NCSTN: variants seen among roughly 807,000 people sequenced by gnomAD.
NCSTN encodes the protein nicastrin.
In NCSTN, 22 loss-of-function variants were observed where a neutral mutation model predicts 87.0. That is an observed-to-expected ratio of 0.25 (90% CI 0.18 to 0.36). The LOEUF (loss-of-function observed/expected upper bound fraction) is 0.36. Among genes scored for constraint, NCSTN ranks in the 10% least tolerant of loss-of-function variants. NCSTN has a pLI of 1.00. For missense variants in NCSTN, 693 were observed against 883.3 expected, an observed-to-expected ratio of 0.78 and a Z score of 2.73; for synonymous variants, 306 against 327.1, an observed-to-expected ratio of 0.94 and a Z score of 0.69.
In NCSTN at chr1:160,344,089, C is replaced by T. The variant is rs3753391; in HGVS notation, c.85+608C>T. The stretch of plus-strand genomic sequence containing the variant: ...TAATGTACTTAAGTGTTTGCTGATA[C>T]GCGTTCATTTACTGATACATGGCTT... On this transcript the variant is annotated intron_variant, in intron 1 of 16. Transcript: ENST00000294785. Among the ~76,000 whole-genome samples, 637 of 151,436 alleles carry T rather than the reference C, an allele frequency of 4.2e-3. 19 individuals are homozygous for T. In the East Asian group the frequency reaches 0.082, roughly 20 times the overall value.
At chr1:160,343,917 T>C (rs913612087) in intron 1 of NCSTN, 3 of 359,282 alleles carry the variant, frequency 8.3e-6, no homozygotes, top group Non-Finnish European at 1.7e-5. Flanking sequence ...CCTCTGTTGA[T>C]TACATCCTAA....
chr1:160,354,303 T>C lies in NCSTN; in HGVS notation c.1352+13T>C, dbSNP rs202067782. The C allele has an allele frequency of 6.2e-7, 1 of 1,613,756 alleles. No individual in the cohort carries two copies. Among genetic ancestry groups the C allele is most frequent in the African/African-American group, 1.3e-5 (1 of 75,018 alleles). On this transcript the variant is annotated intron_variant, in intron 11 of 16. Transcript: ENST00000294785. ...CCTTCCATAACAAGTAAGAATCACT[T>C]GGCCCTGCACCCTCTTCATTCTTGA... is the stretch of plus-strand genomic sequence containing the variant.
chr1:160,343,877 G>A (rs1253787262), intron 1 of NCSTN: 3 of 439,344 alleles, frequency 6.8e-6, no homozygotes, highest in African/African-American at 6.2e-5. Context: ...GGTGCTGTGC[G>A]GCGCTTAAAA....
At chr1:160,350,785 A>T (rs768058003) in intron 5 of NCSTN, among the ~76,000 whole-genome samples, 2 of 152,194 alleles carry the variant, frequency 1.3e-5, no homozygotes, top group African/African-American at 4.8e-5. Flanking sequence ...TAGCTCTAAT[A>T]TGCCTTAATT....
chr1:160,347,712 C>T (rs1234556367), intron 2 of NCSTN, among the ~76,000 whole-genome samples: 1 of 152,168 alleles, frequency 6.6e-6, no homozygotes, highest in African/African-American at 2.4e-5. Context: ...CAGGTTCAAG[C>T]AATTCTCCTG....
chr1:160,347,317 C>T (rs1648552813), intron 2 of NCSTN, among the ~76,000 whole-genome samples: 1 of 152,140 alleles, frequency 6.6e-6, no homozygotes, highest in Non-Finnish European at 1.5e-5. Context: ...AAGTGATACC[C>T]AGATTTGATT....
chr1:160,350,538 G>A (rs1008400877), intron 5 of NCSTN, among the ~76,000 whole-genome samples: 3 of 151,828 alleles, frequency 2.0e-5, no homozygotes, highest in South Asian at 2.1e-4. Flanking sequence ...GCTGAAAGAC[G>A]GTTGCTCCAA....
chr1:160,358,139 C>G lies in NCSTN; in HGVS notation c.2008-10C>G. The G allele has an allele frequency of 6.2e-7, 1 of 1,614,172 alleles. No individual in the cohort carries two copies. The highest frequency in any genetic ancestry group is 8.5e-7 in the Non-Finnish European group (1 of 1,180,030). ...GCCTTTGTCCTTTCCTGCCCTCCCT[C>G]CCCCTGCAGTTGATCACCCTGACAG... On this transcript the variant is annotated splice_polypyrimidine_tract_variant and intron_variant, in intron 16 of 16. Transcript: ENST00000294785.
intron 5 of NCSTN, among the ~76,000 whole-genome samples, chr1:160,350,842 G>C (rs1042566614): frequency 2.0e-5 from 3 of 152,066 alleles, no homozygotes; most frequent in Admixed American, 6.6e-5. Flanking sequence ...TAAGAGATTT[G>C]TCCAAAGTTG....
intron 2 of NCSTN, among the ~76,000 whole-genome samples, chr1:160,347,853 A>C (rs1571200569): frequency 6.6e-6 from 1 of 152,140 alleles, no homozygotes; most frequent in Non-Finnish European, 1.5e-5. Context: ...CAAGTGATCC[A>C]CCCACCCACT....
chr1:160,357,413 C>CT (rs3831925), intron 16 of NCSTN, among the ~76,000 whole-genome samples, 160 bp downstream of exon 16: 6 of 151,992 alleles, frequency 3.9e-5, no homozygotes, highest in South Asian at 2.1e-4. Flanking sequence ...CTTAGGAGGC[C>CT]TTTTTTTTGA....
At position 160,355,637 on chromosome 1, in the gene NCSTN, T is replaced by C. The variant is rs1014454771; in HGVS notation, c.1353-18T>C. Reference sequence around the variant, plus strand: ...CCTGGCTAAATGTAGCCAAGGCTCATGCCGGCTTTCCTGGCAGATATTACC... The same window carrying C: ...CCTGGCTAAATGTAGCCAAGGCTCACGCCGGCTTTCCTGGCAGATATTACC... On this transcript the variant is annotated intron_variant, in intron 11 of 16. Coordinates refer to ENST00000294785, the MANE Select transcript of NCSTN (RefSeq NM_015331.3). The C allele has an allele frequency of 1.9e-6, 3 of 1,593,732 alleles. No individual in the cohort carries two copies. The highest frequency in any genetic ancestry group is 3.3e-4 in the Middle Eastern group (2 of 6,006).
Position 160,354,278 on chromosome 1 carries a change from C to T in NCSTN, c.1340C>T (p.Ala447Val), listed in dbSNP as rs777093685. Reference sequence around the variant, plus strand: ...GTTGTTCTGGCTGACCACTCTGGTGCCTTCCATAACAAGTAAGAATCACTT... The same window carrying T: ...GTTGTTCTGGCTGACCACTCTGGTGTCTTCCATAACAAGTAAGAATCACTT... ...SGVVLADHSG[A>V]FHNKYYQSIY... Residue 447 changes from alanine to valine, a missense_variant, in exon 11 of 17, where the codon GCC becomes GTC. Coordinates refer to ENST00000294785, the MANE Select transcript of NCSTN (RefSeq NM_015331.3). 4 of 1,614,000 alleles carry T rather than the reference C, an allele frequency of 2.5e-6. No homozygotes were observed. In the Admixed American group the frequency reaches 5.0e-5, roughly 20 times the overall value.
In NCSTN at chr1:160,350,219, A is replaced by T. The variant is rs577260216; in HGVS notation, c.551A>T (p.Glu184Val). ...EDFSFPIFLLEDENETKVIKQ... is the reference protein window; with the variant it reads ...EDFSFPIFLLVDENETKVIKQ... ...TTTAGTTTCCCCATCTTTCTTCTTG[A>T]AGATGAAAATGAAACCAAAGTCATC... The change falls in exon 5 of 17, where the codon GAA becomes GTA. Residue 184 changes from glutamate (E) to valine (V), a missense_variant. Physicochemically the swap from Glu to Val is moderately radical, Grantham distance 121. This residue lies in a region of NCSTN where 235 missense variants were observed against 233.9 expected (regional missense o/e 1.00). Coordinates refer to ENST00000294785, the MANE Select transcript of NCSTN (RefSeq NM_015331.3). The T allele has an allele frequency of 6.2e-7, 1 of 1,614,190 alleles. No homozygotes were observed. Among genetic ancestry groups the T allele is most frequent in the South Asian group, 1.1e-5 (1 of 91,092 alleles).
At chr1:160,347,306 A>G (rs1648552408) in intron 2 of NCSTN, among the ~76,000 whole-genome samples, 1 of 152,188 alleles carries the variant, frequency 6.6e-6, no homozygotes, top group African/African-American at 2.4e-5. Context: ...TAAGGAGAAA[A>G]AAGTGATACC....
In NCSTN at chr1:160,354,118, G is replaced by A. The variant is rs201133439; in HGVS notation, c.1180G>A (p.Val394Met). The A allele has an allele frequency of 3.7e-6, 6 of 1,614,012 alleles. No homozygotes were observed. The African/African-American group carries it at 5.3e-5, about 14-fold the overall frequency. ...AGTTAATCTCCCTCGTACCCCCCAG[G>A]TGGAGGATCTCCTGGCCACATTGGA... ...SQKNESVRNQ[V>M]EDLLATLEKS... Residue 394 changes from valine to methionine, a missense_variant and splice_region_variant, in exon 11 of 17, where the codon GTG becomes ATG. By Grantham distance (21) the Val-to-Met change is conservative (BLOSUM62 1). This residue lies in a region of NCSTN where 108 missense variants were observed against 111.6 expected (regional missense o/e 0.97). Transcript: ENST00000294785.
chr1:160,358,493 C>A lies in NCSTN; in HGVS notation c.*222C>A, dbSNP rs201314568. ...ATCACCCCTTCCCCATTTCCTCTTCCTTCTCTACTCATGCCAGATTTTGGG... is the reference window on the plus strand; with the variant it reads ...ATCACCCCTTCCCCATTTCCTCTTCATTCTCTACTCATGCCAGATTTTGGG... On this transcript the variant is annotated 3_prime_UTR_variant, in exon 17 of 17. Coordinates refer to ENST00000294785, the MANE Select transcript of NCSTN (RefSeq NM_015331.3). 2 of 609,674 alleles carry A rather than the reference C, an allele frequency of 3.3e-6. No individual in the cohort carries two copies. The highest frequency in any genetic ancestry group is 1.8e-5 in the African/African-American group (1 of 54,202). 37.8% of individuals were successfully genotyped at this position (609,674 alleles called of 1,614,324 possible). A position where few individuals can be genotyped will look rare whatever the true frequency, so the allele number is the denominator to read the frequency against.
At chr1:160,350,277 T>C (rs1302649167) in intron 5 of NCSTN, 27 bp downstream of exon 5, 1 of 1,612,216 alleles carries the variant, frequency 6.2e-7, no homozygotes, top group Non-Finnish European at 8.5e-7. Flanking sequence ...CTCCTAGCAA[T>C]TCCAGTTAGA....
At chr1:160,348,860 C>G (rs942154707) in intron 2 of NCSTN, 139 bp from the exon 3 acceptor site, 12 of 1,210,038 alleles carry the variant, frequency 9.9e-6, no homozygotes, top group Non-Finnish European at 1.5e-5. Flanking sequence ...AACAGCTTTT[C>G]AGTTCAAATC....
Sources: allele counts gnomAD v4.1 joint callset (sites outside exome capture counted in the v4.1 genomes callset), GRCh38; gene constraint gnomAD v4.1.1; regional missense constraint gnomAD v4.1.1; transcripts MANE v1.5; gene names NCBI Gene and HGNC (gene_info 2026-07-23, HGNC 2026-07-21).